The following DOCK3 variants were observed in gnomAD, a reference collection of about 807,000 sequenced individuals.
The protein encoded by DOCK3 is dedicator of cytokinesis 3.
In DOCK3, 60 loss-of-function variants were observed where a neutral mutation model predicts 265.6. The observed-to-expected ratio is 0.23, with a 90% CI of 0.18 to 0.28. The LOEUF is 0.28. Ranked by LOEUF, DOCK3 falls within the 10% of genes least tolerant of loss-of-function variation. The pLI, the probability that DOCK3 is intolerant of heterozygous loss-of-function variation, is 1.00. For missense variants in DOCK3, 1,981 were observed against 2,594.3 expected (o/e 0.76, Z 5.14); for synonymous variants, 881 against 938.0 (o/e 0.94, Z 1.11).
At chr3:51,013,872 G>A (rs1370229265) in intron 5 of DOCK3, among the ~76,000 whole-genome samples, 4 of 152,180 alleles carry the variant, frequency 2.6e-5, no homozygotes, top group Admixed American at 2.6e-4. Context: ...CTAAGCCTCA[G>A]CAATGGCGGA....
rs6792254 is a variant in DOCK3, at chr3:51,248,365, G to C, written c.2184+1558G>C. ...GCGCTGCCACGCCTGACTGGTTTTC[G>C]TATTTTTTTGGTGGAGACGGGGTTT... is the stretch of plus-strand genomic sequence containing the variant. On this transcript the variant is annotated intron_variant, in intron 22 of 52. Transcript: ENST00000266037. 2.2e-3 allele frequency among the ~76,000 whole-genome samples: 331 copies of C among 152,268 alleles called. 3 individuals carry two copies. Among genetic ancestry groups the C allele is most frequent in the African/African-American group, 7.8e-3 (324 of 41,572 alleles).
intron 18 of DOCK3, among the ~76,000 whole-genome samples, chr3:51,229,289 A>G (rs2090450195): frequency 6.6e-6 from 1 of 152,124 alleles, no homozygotes; most frequent in Non-Finnish European, 1.5e-5. Flanking sequence ...CATCTCTACT[A>G]AAAATACGAA....
chr3:50,916,738 G>A (rs1356440589), intron 4 of DOCK3, among the ~76,000 whole-genome samples: 1 of 151,764 alleles, frequency 6.6e-6, no homozygotes, highest in African/African-American at 2.4e-5. Flanking sequence ...GAACCCGGTA[G>A]GGGGAGCTTA....
intron 2 of DOCK3, among the ~76,000 whole-genome samples, chr3:50,827,561 T>C (rs1405975448): frequency 6.6e-6 from 1 of 152,128 alleles, no homozygotes; most frequent in Non-Finnish European, 1.5e-5. Context: ...AACATATGAA[T>C]TTGCAGGAGG....
At chr3:50,685,499 A>G (rs980659209) in intron 1 of DOCK3, 1 of 152,674 alleles carries the variant, frequency 6.5e-6, no homozygotes, top group African/African-American at 2.4e-5. Flanking sequence ...TTATGATGTT[A>G]ATACAGGGAT....
At chr3:50,837,066 G>A (rs949396145) in intron 2 of DOCK3, among the ~76,000 whole-genome samples, 1 of 152,164 alleles carries the variant, frequency 6.6e-6, no homozygotes, top group Non-Finnish European at 1.5e-5. Context: ...CAAGTCTCTA[G>A]GAAGTTCCAA....
At chr3:50,956,535 T>A (rs1575607653) in intron 5 of DOCK3, among the ~76,000 whole-genome samples, 1 of 152,220 alleles carries the variant, frequency 6.6e-6, no homozygotes, top group East Asian at 1.9e-4. Flanking sequence ...TTTTGTCAAT[T>A]TCAGTGCTTT....
chr3:51,090,620 C>T (rs990989364), intron 9 of DOCK3, among the ~76,000 whole-genome samples: 1 of 152,154 alleles, frequency 6.6e-6, no homozygotes, highest in African/African-American at 2.4e-5. Flanking sequence ...AAAATCGAGT[C>T]TTGGCTATCA....
At chr3:51,207,600 G>A (rs897967244) in intron 12 of DOCK3, among the ~76,000 whole-genome samples, 6 of 152,038 alleles carry the variant, frequency 3.9e-5, no homozygotes, top group African/African-American at 1.2e-4. Context: ...CCACTGACTG[G>A]GTAACAATTA....
intron 10 of DOCK3, among the ~76,000 whole-genome samples, chr3:51,152,867 G>C (rs2085671865): frequency 6.6e-6 from 1 of 152,188 alleles, no homozygotes; most frequent in Admixed American, 6.5e-5. Context: ...CCTTCCTCTG[G>C]AGGCTTCATC....
intron 5 of DOCK3, among the ~76,000 whole-genome samples, chr3:51,012,999 AG>A (rs2079012858): frequency 6.6e-6 from 1 of 152,152 alleles, no homozygotes; most frequent in Non-Finnish European, 1.5e-5. Flanking sequence ...CAGCTCCATC[AG>A]GTCATTTCAG....
At chr3:51,085,864 T>A (rs1306256377) in intron 7 of DOCK3, among the ~76,000 whole-genome samples, 1 of 150,964 alleles carries the variant, frequency 6.6e-6, no homozygotes, top group Non-Finnish European at 1.5e-5. Context: ...ATACAAAGGA[T>A]CAGCGAAACA....
chr3:50,730,135 T>C (rs1399685223), intron 1 of DOCK3, among the ~76,000 whole-genome samples: 1 of 152,088 alleles, frequency 6.6e-6, no homozygotes, highest in East Asian at 1.9e-4. Context: ...GCACTAACGC[T>C]TTTAAAAATA....
intron 2 of DOCK3, among the ~76,000 whole-genome samples, chr3:50,809,144 G>A (rs1018169837): frequency 3.3e-5 from 5 of 152,250 alleles, no homozygotes; most frequent in South Asian, 4.1e-4. Flanking sequence ...TCAAAAGATC[G>A]TTAAGTAGAG....
chr3:50,899,985 T>A lies in DOCK3; in HGVS notation c.218+9904T>A, dbSNP rs4446201. Among the ~76,000 whole-genome samples, 4 of 152,018 alleles carry A rather than the reference T, an allele frequency of 2.6e-5. No homozygotes were observed. In the East Asian group the frequency reaches 7.8e-4, roughly 30 times the overall value. ...CTCTTCTTGAGGAGTATCTTTGTGG[T>A]GGTCTCTGTATTTCCTGAATTTGAA... On this transcript the variant is annotated intron_variant, in intron 4 of 52. Transcript: ENST00000266037.
intron 7 of DOCK3, among the ~76,000 whole-genome samples, chr3:51,076,026 C>T (rs529433724): frequency 1.9e-4 from 29 of 152,208 alleles, no homozygotes; most frequent in African/African-American, 6.0e-4. Context: ...GATAAAAACT[C>T]ATCTTGAAGA....
chr3:51,363,882 G>A (rs1194318613), intron 49 of DOCK3, among the ~76,000 whole-genome samples: 3 of 152,166 alleles, frequency 2.0e-5, no homozygotes, highest in East Asian at 3.8e-4. Context: ...AATCCAGTCT[G>A]TCATTGATGG....
chr3:51,161,321 A>T (rs1387759845), intron 12 of DOCK3, among the ~76,000 whole-genome samples: 1 of 148,004 alleles, frequency 6.8e-6, no homozygotes, highest in South Asian at 2.2e-4. Context: ...GCGGACGCCT[A>T]TAGTCCCAGC....
intron 5 of DOCK3, among the ~76,000 whole-genome samples, chr3:50,980,984 C>T (rs767230523): frequency 2.6e-5 from 4 of 151,974 alleles, no homozygotes; most frequent in Non-Finnish European, 5.9e-5. Flanking sequence ...TTATTTGTTT[C>T]CATCCACTAA....
Sources: gnomAD v4.1 joint callset for allele counts (sites outside exome capture counted in the v4.1 genomes callset) on GRCh38, gnomAD v4.1.1 for gene constraint, MANE v1.5 for transcripts, NCBI Gene and HGNC (gene_info 2026-07-23, HGNC 2026-07-21) for gene names.